Variants in GALNTL6 observed in about 807,000 individuals in gnomAD.
GALNTL6 encodes the protein polypeptide N-acetylgalactosaminyltransferase-like 6.
A neutral mutation model predicts 73.7 loss-of-function variants in GALNTL6; 46 were observed. The observed-to-expected ratio is 0.62, with a 90% CI of 0.49 to 0.80. The LOEUF (loss-of-function observed/expected upper bound fraction) is 0.80, where lower values mean the gene tolerates loss of function less well. Among genes scored for constraint, GALNTL6 ranks in the 30% least tolerant of loss-of-function variants. The pLI, the probability that GALNTL6 is intolerant of heterozygous loss-of-function variation, is 0.00. For synonymous variants in GALNTL6, 259 were observed against 263.7 expected (o/e 0.98, Z 0.17); for missense variants, 604 against 755.0 (o/e 0.80, Z 2.34).
intron 5 of GALNTL6, among the ~76,000 whole-genome samples, chr4:172,377,486 C>T (rs561418073): frequency 6.6e-5 from 10 of 152,332 alleles, no homozygotes; most frequent in South Asian, 6.2e-4. Flanking sequence ...TAGCAGATCC[C>T]GTGCTGGGGC....
At chr4:172,947,584 T>G (rs952227143) in intron 9 of GALNTL6, among the ~76,000 whole-genome samples, 1 of 9,758 alleles carries the variant, frequency 1.0e-4, no homozygotes, top group African/African-American at 1.7e-4. Flanking sequence ...CTTGATAAAT[T>G]TTTTTTTTTT....
chr4:172,352,625 A>G (rs1741979191), intron 5 of GALNTL6, among the ~76,000 whole-genome samples: 1 of 152,160 alleles, frequency 6.6e-6, no homozygotes, highest in Non-Finnish European at 1.5e-5. Flanking sequence ...GAGATAGGGT[A>G]TATTTGAACT....
chr4:171,923,748 C>T (rs968029842), intron 2 of GALNTL6, among the ~76,000 whole-genome samples: 1 of 148,652 alleles, frequency 6.7e-6, no homozygotes, highest in African/African-American at 2.5e-5. Context: ...ATTTGCAACT[C>T]TTCTCCTTTT....
intron 3 of GALNTL6, among the ~76,000 whole-genome samples, chr4:172,245,167 A>G (rs955357065): frequency 2.6e-5 from 4 of 152,128 alleles, no homozygotes; most frequent in African/African-American, 4.8e-5. Context: ...CTTTTGCCCA[A>G]TTTTATTTTT....
At chr4:172,632,247 C>T (rs957239596) in intron 5 of GALNTL6, among the ~76,000 whole-genome samples, 1 of 152,174 alleles carries the variant, frequency 6.6e-6, no homozygotes, top group African/African-American at 2.4e-5. Flanking sequence ...TTGTGGAAGC[C>T]ACTTTGGAAC....
At chr4:172,315,380 C>T (rs1237514558) in intron 4 of GALNTL6, among the ~76,000 whole-genome samples, 2 of 152,194 alleles carry the variant, frequency 1.3e-5, no homozygotes, top group Non-Finnish European at 2.9e-5. Context: ...TCTCCTGCCT[C>T]AGCCTCCCAA....
chr4:172,272,769 AAT>A (rs1479498942), intron 3 of GALNTL6, among the ~76,000 whole-genome samples: 8 of 152,222 alleles, frequency 5.3e-5, no homozygotes, highest in African/African-American at 1.4e-4. Context: ...GTGCTTCACA[AAT>A]TAGAGAAAAA....
chr4:172,451,959 T>C (rs960438334), intron 5 of GALNTL6, among the ~76,000 whole-genome samples: 2 of 152,156 alleles, frequency 1.3e-5, no homozygotes, highest in Non-Finnish European at 2.9e-5. Context: ...TGCAATGAAC[T>C]GTGATTGTAC....
Position 172,572,133 on chromosome 4 carries a change from C to G in GALNTL6, c.553+223444C>G, listed in dbSNP as rs1736785396. Among the ~76,000 whole-genome samples, 5 of 152,196 alleles carry G rather than the reference C, an allele frequency of 3.3e-5. No homozygotes were observed. In the South Asian group the frequency reaches 1.0e-3, roughly 32 times the overall value. ...TCATCAGATCACCTAATGCTGTTCTCTGCACACTCATCTCACTGCTACAGT... is the reference window on the plus strand; with the variant it reads ...TCATCAGATCACCTAATGCTGTTCTGTGCACACTCATCTCACTGCTACAGT... On this transcript the variant is annotated intron_variant, in intron 5 of 12. Transcript: ENST00000506823.
At chr4:172,440,853 T>A (rs917993783) in intron 5 of GALNTL6, among the ~76,000 whole-genome samples, 1 of 152,096 alleles carries the variant, frequency 6.6e-6, no homozygotes, top group Non-Finnish European at 1.5e-5. Context: ...TATATAGAAA[T>A]TAGGCCTTTT....
intron 5 of GALNTL6, among the ~76,000 whole-genome samples, chr4:172,395,629 T>C (rs1326303752): frequency 6.6e-6 from 1 of 152,116 alleles, no homozygotes; most frequent in Non-Finnish European, 1.5e-5. Flanking sequence ...ACCATGTATA[T>C]TGTGTTATCT....
intron 2 of GALNTL6, among the ~76,000 whole-genome samples, chr4:171,919,804 C>T (rs1737730934): frequency 6.6e-6 from 1 of 152,098 alleles, no homozygotes; most frequent in African/African-American, 2.4e-5. Context: ...TCCTGTTTCC[C>T]TCTGGGACTG....
chr4:172,436,713 C>G (rs1050392429), intron 5 of GALNTL6, among the ~76,000 whole-genome samples: 3 of 152,096 alleles, frequency 2.0e-5, no homozygotes, highest in Non-Finnish European at 4.4e-5. Context: ...CAGACTTACT[C>G]TCTCCTCTTG....
intron 12 of GALNTL6, among the ~76,000 whole-genome samples, chr4:173,024,290 A>G (rs149808908): frequency 6.6e-6 from 1 of 152,306 alleles, no homozygotes; most frequent in East Asian, 1.9e-4. Flanking sequence ...AGCTGTTGGT[A>G]TTGCATTACT....
intron 5 of GALNTL6, among the ~76,000 whole-genome samples, chr4:172,358,437 C>A (rs79012231): frequency 6.8e-4 from 103 of 152,362 alleles, no homozygotes; most frequent in African/African-American, 2.4e-3. Context: ...AGGCCGCGTG[C>A]GGCCCAGGCT....
chr4:172,977,656 A>G (rs1225800441), intron 10 of GALNTL6, among the ~76,000 whole-genome samples: 1 of 152,174 alleles, frequency 6.6e-6, no homozygotes, highest in South Asian at 2.1e-4. Flanking sequence ...TAAGGATGAG[A>G]CAGCAAAGAC....
intron 10 of GALNTL6, among the ~76,000 whole-genome samples, chr4:172,986,139 T>C (rs1271060933): frequency 6.6e-6 from 1 of 152,242 alleles, no homozygotes; most frequent in Non-Finnish European, 1.5e-5. Flanking sequence ...TTTCTTTCAC[T>C]GTCATAATTT....
chr4:172,265,430 A>C (rs1160009444), intron 3 of GALNTL6, among the ~76,000 whole-genome samples: 1 of 152,098 alleles, frequency 6.6e-6, no homozygotes, highest in Non-Finnish European at 1.5e-5. Flanking sequence ...AAGACTAGAC[A>C]AAGCATTTCA....
intron 2 of GALNTL6, among the ~76,000 whole-genome samples, chr4:172,225,988 C>G (rs879346556): frequency 2.0e-5 from 3 of 152,092 alleles, no homozygotes; most frequent in African/African-American, 4.8e-5. Flanking sequence ...ACACACCTTG[C>G]TAGAGCACTA....
Sources: allele counts gnomAD v4.1 joint callset (sites outside exome capture counted in the v4.1 genomes callset), GRCh38; gene constraint gnomAD v4.1.1; transcripts MANE v1.5; gene names NCBI Gene and HGNC (gene_info 2026-07-23, HGNC 2026-07-21).